Variants in DNAJC21 observed in about 807,000 individuals in gnomAD.
DNAJC21 encodes the protein dnaJ homolog subfamily C member 21.
In DNAJC21, 63 loss-of-function variants were observed where a neutral mutation model predicts 72.4. That is an observed-to-expected ratio of 0.87 (90% CI 0.71 to 1.07). The LOEUF (loss-of-function observed/expected upper bound fraction) is 1.07, where lower values mean the gene tolerates loss of function less well. Ranked by LOEUF, DNAJC21 falls within the 50% of genes least tolerant of loss-of-function variation. The pLI is 0.00. For synonymous variants in DNAJC21, 203 were observed against 216.7 expected (o/e 0.94, Z 0.56); for missense variants, 634 against 644.8 (o/e 0.98, Z 0.18).
chr5:34,929,829 C>T lies in DNAJC21; in HGVS notation c.10C>T (p.His4Tyr). 1 of 1,532,896 alleles carries T rather than the reference C, an allele frequency of 6.5e-7. No individual in the cohort carries two copies. The highest frequency in any genetic ancestry group is 8.8e-7 in the Non-Finnish European group (1 of 1,138,156). The allele number at this position is 1,532,896 out of a possible 1,614,324, so 95.0% of individuals were successfully genotyped here. A position where few individuals can be genotyped will look rare whatever the true frequency, so the allele number is the denominator to read the frequency against. ...CCCGCCCGGTCGGGCGATGAAGTGT[C>T]ACTATGAGGCGCTGGGGGTGCGGCG... MKC[H>Y]YEALGVRRDA... Residue 4 changes from histidine (H) to tyrosine (Y), a missense_variant, in exon 1 of 12, where the codon CAC becomes TAC. His to Tyr is a moderately conservative substitution (Grantham distance 83, BLOSUM62 2). Coordinates refer to ENST00000648817, the MANE Select transcript of DNAJC21 (RefSeq NM_001012339.3).
intron 1 of DNAJC21, among the ~76,000 whole-genome samples, chr5:34,933,112 G>A (rs1764655285): frequency 1.3e-5 from 2 of 152,004 alleles, no homozygotes; most frequent in Non-Finnish European, 2.9e-5. Context: ...GATTTCTTTT[G>A]ATATACATTG....
intron 10 of DNAJC21, chr5:34,952,697 A>G (rs1765414088): frequency 6.6e-6 from 1 of 152,214 alleles, no homozygotes; most frequent in African/African-American, 2.4e-5. Flanking sequence ...TATGGTGGGG[A>G]AAAACCATCA....
At chr5:34,944,431 G>A (rs984462477) in intron 7 of DNAJC21, among the ~76,000 whole-genome samples, 1 of 152,172 alleles carries the variant, frequency 6.6e-6, no homozygotes, top group African/African-American at 2.4e-5. Flanking sequence ...CTGTGGGATG[G>A]CCTGGAATGT....
At position 34,950,255 on chromosome 5, in the gene DNAJC21, C is replaced by G; in HGVS notation, c.1271C>G (p.Ala424Gly). ...GATACTAACTTAAATCAAGACAGTG[C>G]CAAAGAATTGGAAGATAGTCCCCAG... ...PEDTNLNQDS[A>G]KELEDSPQEN... The change falls in exon 10 of 12, where the codon GCC becomes GGC. Residue 424 changes from alanine to glycine, a missense_variant. Physicochemically the swap from Ala to Gly is moderately conservative, Grantham distance 60. Coordinates refer to ENST00000648817, the MANE Select transcript of DNAJC21 (RefSeq NM_001012339.3). 1 of 1,613,706 alleles carries G rather than the reference C, an allele frequency of 6.2e-7. No homozygotes were observed. Among genetic ancestry groups the G allele is most frequent in the South Asian group, 1.1e-5 (1 of 91,048 alleles).
chr5:34,937,970 G>C (rs1764850111), intron 5 of DNAJC21, among the ~76,000 whole-genome samples: 1 of 151,922 alleles, frequency 6.6e-6, no homozygotes, highest in Non-Finnish European at 1.5e-5. Context: ...GCTAATTTTT[G>C]TATTTTTAGT....
At chr5:34,930,048 C>T (rs764414336) in intron 1 of DNAJC21, 132 bp downstream of exon 1, 4 of 618,778 alleles carry the variant, frequency 6.5e-6, no homozygotes, top group South Asian at 3.2e-5. Flanking sequence ...TTGCCCCGCC[C>T]GGCCAGTGCC....
At chr5:34,941,455 TC>T (rs1222594790) in intron 7 of DNAJC21, among the ~76,000 whole-genome samples, 2 of 152,120 alleles carry the variant, frequency 1.3e-5, no homozygotes, top group Non-Finnish European at 2.9e-5. Flanking sequence ...ACTCCTGGAT[TC>T]AAGTGTTCCA....
chr5:34,940,579 A>G (rs868168825), intron 6 of DNAJC21, among the ~76,000 whole-genome samples: 1 of 152,210 alleles, frequency 6.6e-6, no homozygotes, highest in South Asian at 2.1e-4. Flanking sequence ...GTAATTATTC[A>G]GTTGTAATAA....
rs767069638 is a variant in DNAJC21, at chr5:34,953,997, C to T, written c.1430C>T (p.Thr477Ile). 4 of 1,608,536 alleles carry T rather than the reference C, an allele frequency of 2.5e-6. No individual in the cohort carries two copies. The highest frequency in any genetic ancestry group is 3.4e-6 in the Non-Finnish European group (4 of 1,177,920). ...GTCAGAGTACCTGCTGAACCACAAA[C>T]AATGGTAGGTCAAAATCATATTCAT... ...KPVRVPAEPQ[T>I]MSVLISCTTC... Residue 477 changes from threonine (T) to isoleucine (I), a missense_variant, in exon 11 of 12, where the codon ACA (threonine) becomes ATA (isoleucine). Physicochemically the swap from Thr to Ile is moderately conservative, Grantham distance 89. Transcript: ENST00000648817.
At chr5:34,945,059 T>G (rs760927688) in intron 8 of DNAJC21, 34 bp downstream of exon 8, 25 of 1,602,010 alleles carry the variant, frequency 1.6e-5, no homozygotes, top group Non-Finnish European at 2.1e-5. Context: ...CTAGAAATAC[T>G]TATCACATTC....
intron 9 of DNAJC21, among the ~76,000 whole-genome samples, chr5:34,947,149 A>G (rs1326554626): frequency 6.6e-6 from 1 of 152,192 alleles, no homozygotes; most frequent in African/African-American, 2.4e-5. Flanking sequence ...GAAAAATTCC[A>G]TAACCAACAA....
Position 34,950,060 on chromosome 5 carries a change from G to A in DNAJC21, c.1186-110G>A, listed in dbSNP as rs1765308297. ...GAGCATCCATGTTCTTAACTTACCT[G>A]CTTCTCCTTTTTATTTCCCGAAGGT... On this transcript the variant is annotated intron_variant, in intron 9 of 11. Transcript: ENST00000648817. 8.9e-6 allele frequency: 11 copies of A among 1,229,730 alleles called. No homozygotes were observed. In the South Asian group the frequency reaches 2.1e-4, roughly 23 times the overall value. The allele number at this position is 1,229,730 out of a possible 1,614,324, so 76.2% of individuals were successfully genotyped here.
chr5:34,947,074 G>A (rs1765195712), intron 9 of DNAJC21, among the ~76,000 whole-genome samples: 1 of 152,112 alleles, frequency 6.6e-6, no homozygotes, highest in African/African-American at 2.4e-5. Context: ...ATAGATTTAA[G>A]AGCAGACGGC....
At chr5:34,949,205 T>C (rs1765273687) in intron 9 of DNAJC21, among the ~76,000 whole-genome samples, 1 of 152,146 alleles carries the variant, frequency 6.6e-6, no homozygotes. Flanking sequence ...CTCATTTTGC[T>C]TCCCGGGATT....
chr5:34,945,000 G>T lies in DNAJC21; in HGVS notation c.1117G>T (p.Glu373Ter), dbSNP rs746681361. ...TCCATTAGATGACAATTCTGAGGAA[G>T]AAATGGAAGATGCACCAAAACAAAA... ...ENPLDDNSEEEMEDAPKQKLS... is the reference protein window; with the variant it reads ...ENPLDDNSEE Residue 373 changes from glutamate to a stop codon, truncating the protein, a stop_gained, in exon 8 of 12, where the codon GAA (glutamate) becomes TAA (stop). Transcript: ENST00000648817. LOFTEE classifies it high-confidence loss of function. The T allele has an allele frequency of 1.2e-6, 2 of 1,613,566 alleles. No homozygotes were observed. Among genetic ancestry groups the T allele is most frequent in the East Asian group, 4.5e-5 (2 of 44,876 alleles).
At position 34,954,611 on chromosome 5, in the gene DNAJC21, T is replaced by C. The variant is rs138002430; in HGVS notation, c.1493T>C (p.Phe498Ser). Reference protein sequence around the residue: ...HSEFPSRNKLFDHLKATGHAR... With the variant: ...HSEFPSRNKLSDHLKATGHAR... ...GAATTTCCATCTCGGAATAAACTTT[T>C]TGACCATCTAAAGGCCACAGGTCAT... is the stretch of plus-strand genomic sequence containing the variant. The change falls in exon 12 of 12, where the codon TTT becomes TCT. Residue 498 changes from phenylalanine to serine, a missense_variant. Coordinates refer to ENST00000648817, the MANE Select transcript of DNAJC21 (RefSeq NM_001012339.3). 83 of 1,613,564 alleles carry C rather than the reference T, an allele frequency of 5.1e-5. No homozygotes were observed. Among genetic ancestry groups the C allele is most frequent in the Middle Eastern group, 3.3e-4 (2 of 6,082 alleles).
rs1580536304 is a variant in DNAJC21 at position 34,946,334 on chromosome 5, A to G, written c.1185+531A>G. Among the ~76,000 whole-genome samples the G allele has an allele frequency of 2.0e-5, 3 of 152,284 alleles. No homozygotes were observed. The South Asian group carries it at 6.2e-4, about 32-fold the overall frequency. ...AAATTCATTCTCTGTCTTAAGGACT[A>G]TTTTTAAATAAAATGGTATTATGTT... On this transcript the variant is annotated intron_variant, in intron 9 of 11. Transcript: ENST00000648817.
intron 9 of DNAJC21, chr5:34,949,828 T>C: frequency 7.2e-7 from 1 of 1,393,190 alleles, no homozygotes; most frequent in Non-Finnish European, 9.5e-7. Flanking sequence ...AGAGATTACT[T>C]AATAAAGAAT....
At chr5:34,945,947 A>G (rs999356516) in intron 9 of DNAJC21, 144 bp downstream of exon 9, 2 of 622,218 alleles carry the variant, frequency 3.2e-6, no homozygotes, top group East Asian at 3.0e-5. Flanking sequence ...AAGGAATTAG[A>G]AATATTTTCC....
Sources: allele counts gnomAD v4.1 joint callset (sites outside exome capture counted in the v4.1 genomes callset), GRCh38; gene constraint gnomAD v4.1.1; transcripts MANE v1.5; gene names NCBI Gene and HGNC (gene_info 2026-07-23, HGNC 2026-07-21).